The following RPTOR variants were observed in gnomAD, a reference collection of about 807,000 sequenced individuals.
The protein encoded by RPTOR is regulatory-associated protein of mTOR.
RPTOR carries 21 observed loss-of-function variants against 169.9 expected under a neutral mutation model. The observed-to-expected ratio is 0.12, with a 90% CI of 0.09 to 0.18. RPTOR has a LOEUF of 0.18. RPTOR is among the 10% of genes least tolerant of loss of function. The pLI is 1.00. For synonymous variants in RPTOR, 732 were observed against 753.2 expected, an observed-to-expected ratio of 0.97 and a Z score of 0.46; for missense variants, 1,133 against 1,855.9, an observed-to-expected ratio of 0.61 and a Z score of 7.16.
intron 10 of RPTOR, 125 bp downstream of exon 10, chr17:80,838,122 G>A (rs562926081): frequency 2.4e-5 from 17 of 716,992 alleles, no homozygotes; most frequent in African/African-American, 1.8e-4. Flanking sequence ...TTGTTCACCT[G>A]CCTGGAAAAA....
intron 2 of RPTOR, among the ~76,000 whole-genome samples, chr17:80,629,536 T>A (rs1040030546): frequency 1.3e-5 from 2 of 151,174 alleles, no homozygotes; most frequent in Non-Finnish European, 2.9e-5. Flanking sequence ...GGGACTCAGC[T>A]CTCTATGTAT....
chr17:80,617,035 A>G (rs917503892), intron 1 of RPTOR, among the ~76,000 whole-genome samples: 4 of 152,204 alleles, frequency 2.6e-5, no homozygotes, highest in Non-Finnish European at 5.9e-5. Context: ...CATGAAAAAA[A>G]TTTTTGACTA....
intron 2 of RPTOR, among the ~76,000 whole-genome samples, chr17:80,640,281 A>G (rs1450463885): frequency 1.3e-5 from 2 of 152,254 alleles, no homozygotes; most frequent in African/African-American, 4.8e-5. Flanking sequence ...TTTTACATTT[A>G]TGATCTGTCC....
intron 2 of RPTOR, among the ~76,000 whole-genome samples, chr17:80,642,162 A>C (rs1030160045): frequency 6.6e-6 from 1 of 152,034 alleles, no homozygotes; most frequent in African/African-American, 2.4e-5. Flanking sequence ...TTTGAGATGG[A>C]GTCTCACTCT....
intron 28 of RPTOR, among the ~76,000 whole-genome samples, chr17:80,952,646 C>T (rs962326394): frequency 3.9e-5 from 6 of 152,122 alleles, no homozygotes; most frequent in East Asian, 1.9e-4. Context: ...TCCATGTGCT[C>T]GTTCTCACCT....
intron 3 of RPTOR, among the ~76,000 whole-genome samples, chr17:80,665,358 CTT>C (rs2065758103): frequency 1.9e-4 from 1 of 5,266 alleles, no homozygotes; most frequent in African/African-American, 2.3e-3. Flanking sequence ...CTTTCCTTTC[CTT>C]TCCTTTCCTT....
At chr17:80,926,583 T>G (rs548173091) in intron 24 of RPTOR, among the ~76,000 whole-genome samples, 2 of 152,238 alleles carry the variant, frequency 1.3e-5, no homozygotes, top group Admixed American at 6.5e-5. Context: ...TAAAAAGTTA[T>G]GAAATATTTG....
rs140887781 is a variant in RPTOR, at chr17:80,574,002, G to A, written c.162+28211G>A. On this transcript the variant is annotated intron_variant, in intron 1 of 33. Coordinates refer to ENST00000306801, the MANE Select transcript of RPTOR (RefSeq NM_020761.3). ...AGTTTTGGGCTTCATGTCAATTCTT[G>A]AGTTCCCGAGAGTTCGTGTCCAGGT... is the stretch of plus-strand genomic sequence containing the variant. Among the ~76,000 whole-genome samples, 277 of 152,272 alleles carry A rather than the reference G, an allele frequency of 1.8e-3. 1 individual carries two copies. The highest frequency in any genetic ancestry group is 6.3e-3 in the African/African-American group (262 of 41,556).
intron 3 of RPTOR, among the ~76,000 whole-genome samples, chr17:80,661,734 G>A (rs1396369722): frequency 6.6e-6 from 1 of 151,964 alleles, no homozygotes; most frequent in Non-Finnish European, 1.5e-5. Flanking sequence ...TCTTAGGATG[G>A]CGCATGAGAG....
chr17:80,570,563 C>A (rs186611227), intron 1 of RPTOR, among the ~76,000 whole-genome samples: 1 of 152,062 alleles, frequency 6.6e-6, no homozygotes, highest in African/African-American at 2.4e-5. Flanking sequence ...TGGGTTTAAG[C>A]GATTCTCCTG....
At chr17:80,627,830 G>C (rs2065407517) in intron 2 of RPTOR, among the ~76,000 whole-genome samples, 1 of 147,974 alleles carries the variant, frequency 6.8e-6, no homozygotes. Context: ...TTAAGCGTAT[G>C]TTTAAATTTT....
At chr17:80,690,417 G>A (rs4889882) in intron 3 of RPTOR, among the ~76,000 whole-genome samples, 44,280 of 152,110 alleles carry the variant, frequency 0.29, 7,805 homozygotes, top group Admixed American at 0.46. Flanking sequence ...CATCTATTCT[G>A]TTAATCCATG....
intron 25 of RPTOR, among the ~76,000 whole-genome samples, chr17:80,943,569 C>A (rs2069060650): frequency 6.6e-6 from 1 of 152,104 alleles, no homozygotes; most frequent in African/African-American, 2.4e-5. Context: ...TTCTGTGGCT[C>A]CCCCCGTTGT....
At chr17:80,631,795 T>C (rs2065444451) in intron 2 of RPTOR, among the ~76,000 whole-genome samples, 2 of 152,018 alleles carry the variant, frequency 1.3e-5, no homozygotes, top group Admixed American at 6.6e-5. Flanking sequence ...GGTGGCTGAT[T>C]TTGAGATGAC....
At chr17:80,620,840 A>AT (rs569644356) in intron 1 of RPTOR, among the ~76,000 whole-genome samples, 237 of 152,076 alleles carry the variant, frequency 1.6e-3, no homozygotes, top group Non-Finnish European at 2.1e-3. Flanking sequence ...AGCAAGACGT[A>AT]TTTTTTTTGG....
Position 80,894,061 on chromosome 17 carries a change from G to T in RPTOR, c.2401+196G>T, listed in dbSNP as rs17848657. Among the ~76,000 whole-genome samples the T allele has an allele frequency of 3.9e-5, 6 of 152,338 alleles. No individual in the cohort carries two copies. In the East Asian group the frequency reaches 1.2e-3, roughly 29 times the overall value. ...AAGCGGGAAAGTTGACATCACTGTT[G>T]TGTTGGGGTAGTATTTTACAGGCTG... is the stretch of plus-strand genomic sequence containing the variant. On this transcript the variant is annotated intron_variant, in intron 20 of 33. Coordinates refer to ENST00000306801, the MANE Select transcript of RPTOR (RefSeq NM_020761.3).
chr17:80,802,046 A>G (rs1202550553), intron 7 of RPTOR: 1 of 152,194 alleles, frequency 6.6e-6, no homozygotes, highest in Non-Finnish European at 1.5e-5. Context: ...TCCTTAGCTC[A>G]TCCGGATTGG....
chr17:80,823,281 T>C lies in RPTOR; in HGVS notation c.1136+58T>C, dbSNP rs2067402370. ...TCCCCCGCCCTCCGTGGCACTGTGA[T>C]GTCATGGAATTGCACGGAGCTGGGC... On this transcript the variant is annotated intron_variant, in intron 9 of 33. Coordinates refer to ENST00000306801, the MANE Select transcript of RPTOR (RefSeq NM_020761.3). The surrounding 1 kb of genome is among the most constrained non-coding windows in gnomAD (Gnocchi z 4.5). 3 of 1,592,844 alleles carry C rather than the reference T, an allele frequency of 1.9e-6. No homozygotes were observed. The African/African-American group carries it at 4.0e-5, about 21-fold the overall frequency.
chr17:80,852,314 G>A lies in RPTOR; in HGVS notation c.1315-3150G>A, dbSNP rs571119873. Among the ~76,000 whole-genome samples the A allele has an allele frequency of 4.0e-3, 613 of 152,298 alleles. 4 individuals are homozygous for A. The highest frequency in any genetic ancestry group is 4.6e-3 in the Non-Finnish European group (313 of 68,024). ...CAATTATTGGGCAGAGATGGAGGCA[G>A]GGTTAACATCAGGTTAGCCGGCCCC... On this transcript the variant is annotated intron_variant, in intron 11 of 33. Transcript: ENST00000306801.
Sources: gnomAD v4.1 joint callset for allele counts (sites outside exome capture counted in the v4.1 genomes callset) on GRCh38, gnomAD v4.1.1 for gene constraint, Gnocchi (gnomAD v3.1) non-coding constraint, MANE v1.5 for transcripts, NCBI Gene and HGNC (gene_info 2026-07-23, HGNC 2026-07-21) for gene names.